The following SLC14A2 variants were observed in gnomAD, a reference collection of about 807,000 sequenced individuals.
SLC14A2 encodes the protein solute carrier family 14 member 2.
Under a neutral mutation model 104.6 loss-of-function variants are expected in SLC14A2, and 91 were observed. That is an observed-to-expected ratio of 0.87 (90% CI 0.73 to 1.04). The LOEUF (loss-of-function observed/expected upper bound fraction) is 1.04, where lower values mean the gene tolerates loss of function less well. Among genes scored for constraint, SLC14A2 ranks in the 50% least tolerant of loss-of-function variants. SLC14A2 has a pLI of 0.00. For synonymous variants in SLC14A2, 476 were observed against 466.4 expected, an observed-to-expected ratio of 1.02 and a Z score of -0.27; for missense variants, 1,189 against 1,156.0, an observed-to-expected ratio of 1.03 and a Z score of -0.41.
intron 1 of SLC14A2, among the ~76,000 whole-genome samples, chr18:45,312,823 G>A (rs996621377): frequency 2.0e-5 from 3 of 152,138 alleles, no homozygotes; most frequent in Non-Finnish European, 4.4e-5. Flanking sequence ...CTCCTCTCAG[G>A]CCTCACCCCA....
At position 45,403,294 on chromosome 18, in the gene SLC14A2, G is replaced by A. The variant is rs570750686; in HGVS notation, c.-124-79939G>A. On this transcript the variant is annotated intron_variant, in intron 1 of 20. Transcript: ENST00000586448. ...GACCTCATTAATTACCTCCTTAAAG[G>A]CTCTATCTTCAGATACAGTCACACT... is the stretch of plus-strand genomic sequence containing the variant. Among the ~76,000 whole-genome samples the A allele has an allele frequency of 3.9e-5, 6 of 152,186 alleles. No homozygotes were observed. The South Asian group carries it at 6.2e-4, about 16-fold the overall frequency.
chr18:45,591,764 G>A (rs1254096905), intron 2 of SLC14A2, among the ~76,000 whole-genome samples: 2 of 152,196 alleles, frequency 1.3e-5, no homozygotes, highest in East Asian at 1.9e-4. Context: ...TATACACTAA[G>A]AGTTGTGGGT....
intron 10 of SLC14A2, chr18:45,647,347 T>C (rs1280510292): frequency 6.6e-6 from 1 of 152,272 alleles, no homozygotes. Context: ...CTCTCCTGTA[T>C]GCATGGTTTT....
chr18:45,634,646 T>G (rs556791634), intron 5 of SLC14A2, among the ~76,000 whole-genome samples: 19 of 152,148 alleles, frequency 1.2e-4, no homozygotes, highest in African/African-American at 4.6e-4. Flanking sequence ...CAGTGAAGGA[T>G]GGAGGAGTGG....
intron 1 of SLC14A2, among the ~76,000 whole-genome samples, chr18:45,420,920 T>C (rs2086338882): frequency 6.6e-6 from 1 of 152,046 alleles, no homozygotes; most frequent in South Asian, 2.1e-4. Flanking sequence ...TTTGTATTTT[T>C]AATAGAGATG....
At chr18:45,397,333 T>C (rs2086045705) in intron 1 of SLC14A2, among the ~76,000 whole-genome samples, 1 of 152,140 alleles carries the variant, frequency 6.6e-6, no homozygotes, top group South Asian at 2.1e-4. Context: ...TGTGATTTTA[T>C]TGACTTTTTA....
At chr18:45,233,402 C>A (rs73425904) in intron 1 of SLC14A2, among the ~76,000 whole-genome samples, 4,220 of 152,202 alleles carry the variant, frequency 0.028, 192 homozygotes, top group African/African-American at 0.096. Flanking sequence ...ACTCTTTGAC[C>A]CTGATGAATG....
At chr18:45,588,805 A>G (rs60263260) in intron 2 of SLC14A2, among the ~76,000 whole-genome samples, 5,317 of 152,266 alleles carry the variant, frequency 0.035, 306 homozygotes, top group African/African-American at 0.12. Context: ...TGGTGATTGA[A>G]GACATTTTTT....
At chr18:45,214,715 G>A (rs2083992498) in intron 1 of SLC14A2, among the ~76,000 whole-genome samples, 1 of 152,010 alleles carries the variant, frequency 6.6e-6, no homozygotes, top group Non-Finnish European at 1.5e-5. Context: ...TTTGTTAAAT[G>A]ATGATTTGCA....
At chr18:45,461,139 C>A (rs2087037745) in intron 1 of SLC14A2, among the ~76,000 whole-genome samples, 1 of 152,192 alleles carries the variant, frequency 6.6e-6, no homozygotes, top group Non-Finnish European at 1.5e-5. Context: ...ATTTTCTACT[C>A]CACCTTTCCC....
At chr18:45,569,754 A>G (rs1450758018) in intron 2 of SLC14A2, among the ~76,000 whole-genome samples, 3 of 152,178 alleles carry the variant, frequency 2.0e-5, no homozygotes, top group African/African-American at 7.2e-5. Flanking sequence ...CCACACCGAT[A>G]ACCACTCCAA....
chr18:45,313,721 G>A (rs1434156010), intron 1 of SLC14A2, among the ~76,000 whole-genome samples: 1 of 152,194 alleles, frequency 6.6e-6, no homozygotes, highest in African/African-American at 2.4e-5. Flanking sequence ...GCTTAGAACA[G>A]TGCCTGGCAT....
At chr18:45,412,198 T>C (rs2086222718) in intron 1 of SLC14A2, among the ~76,000 whole-genome samples, 1 of 152,196 alleles carries the variant, frequency 6.6e-6, no homozygotes, top group African/African-American at 2.4e-5. Flanking sequence ...GTCTTATTCA[T>C]GGGGTGACAG....
chr18:45,518,351 G>A (rs1489152066), intron 2 of SLC14A2, among the ~76,000 whole-genome samples: 1 of 152,126 alleles, frequency 6.6e-6, no homozygotes, highest in Non-Finnish European at 1.5e-5. Context: ...TTGTTTACAT[G>A]TACCCAGTGT....
At chr18:45,297,365 A>G (rs2084926798) in intron 1 of SLC14A2, among the ~76,000 whole-genome samples, 1 of 152,276 alleles carries the variant, frequency 6.6e-6, no homozygotes, top group Admixed American at 6.5e-5. Context: ...GCATCAAATC[A>G]GGCCAGATTT....
chr18:45,622,023 C>T (rs747198758), intron 1 of SLC14A2, among the ~76,000 whole-genome samples: 3 of 152,162 alleles, frequency 2.0e-5, no homozygotes, highest in Non-Finnish European at 4.4e-5. Context: ...AAGGGACTCA[C>T]TAAAGCACAG....
intron 2 of SLC14A2, among the ~76,000 whole-genome samples, chr18:45,594,074 G>T (rs1277486326): frequency 2.6e-5 from 4 of 152,144 alleles, no homozygotes; most frequent in Non-Finnish European, 4.4e-5. Context: ...TTAAAAATTT[G>T]ATTTGAATGA....
At chr18:45,435,069 A>C (rs553773020) in intron 1 of SLC14A2, 1 of 152,206 alleles carries the variant, frequency 6.6e-6, no homozygotes, top group African/African-American at 2.4e-5. Context: ...CATATTTTGC[A>C]GTCAGGTAGG....
At chr18:45,332,857 G>T (rs1303904785) in intron 1 of SLC14A2, among the ~76,000 whole-genome samples, 1 of 152,190 alleles carries the variant, frequency 6.6e-6, no homozygotes, top group African/African-American at 2.4e-5. Context: ...GCTTGGTCCT[G>T]GTGACATTTG....
Sources: allele counts gnomAD v4.1 joint callset (sites outside exome capture counted in the v4.1 genomes callset), GRCh38; gene constraint gnomAD v4.1.1; transcripts MANE v1.5; gene names NCBI Gene and HGNC (gene_info 2026-07-23, HGNC 2026-07-21).